LRP1B: variants seen among roughly 807,000 people sequenced by gnomAD.
The protein encoded by LRP1B is LDL receptor related protein 1B.
A neutral mutation model predicts 556.6 loss-of-function variants in LRP1B; 217 were observed. The observed-to-expected ratio is 0.39, with a 90% CI of 0.35 to 0.44. The LOEUF (loss-of-function observed/expected upper bound fraction) is 0.44, where lower values mean the gene tolerates loss of function less well. Ranked by LOEUF, LRP1B falls within the 20% of genes least tolerant of loss-of-function variation. The probability of loss-of-function intolerance (pLI) is 1.00; values close to 1 mark genes in which losing one functional copy is unlikely to be tolerated. For synonymous variants in LRP1B, 2,047 were observed against 1,865.8 expected, an observed-to-expected ratio of 1.10 and a Z score of -2.50; for missense variants, 5,053 against 5,620.8, an observed-to-expected ratio of 0.90 and a Z score of 3.23.
chr2:141,886,434 C>T (rs367741879), intron 1 of LRP1B, among the ~76,000 whole-genome samples: 1 of 152,128 alleles, frequency 6.6e-6, no homozygotes, highest in Non-Finnish European at 1.5e-5. Flanking sequence ...AAATCCATCT[C>T]TTGTAGCCGT....
At chr2:142,091,911 A>T (rs963250687) in intron 1 of LRP1B, among the ~76,000 whole-genome samples, 4 of 152,176 alleles carry the variant, frequency 2.6e-5, no homozygotes, top group African/African-American at 9.6e-5. Flanking sequence ...AAAAGGAGAG[A>T]GCTACCCTAG....
At chr2:140,681,615 G>A (rs1248461994) in intron 41 of LRP1B, among the ~76,000 whole-genome samples, 1 of 151,812 alleles carries the variant, frequency 6.6e-6, no homozygotes, top group African/African-American at 2.4e-5. Flanking sequence ...AATTAAATAA[G>A]AATAAAAATG....
chr2:140,333,256 T>C (rs999254899), intron 79 of LRP1B, among the ~76,000 whole-genome samples: 3 of 152,110 alleles, frequency 2.0e-5, no homozygotes. Context: ...TCTCTGATCA[T>C]AACTAAAATA....
intron 7 of LRP1B, among the ~76,000 whole-genome samples, chr2:141,166,903 A>AT (rs1196197068): frequency 4.6e-5 from 7 of 151,888 alleles, no homozygotes; most frequent in Admixed American, 6.6e-5. Context: ...TCTGAAATAC[A>AT]TTTTTTCTAA....
intron 1 of LRP1B, among the ~76,000 whole-genome samples, chr2:142,001,397 A>C (rs148150009): frequency 6.6e-6 from 1 of 152,336 alleles, no homozygotes; most frequent in Non-Finnish European, 1.5e-5. Context: ...CTGAGCATTA[A>C]AGCATCCAAT....
chr2:140,828,347 C>T (rs570020632), intron 31 of LRP1B, among the ~76,000 whole-genome samples: 369 of 151,844 alleles, frequency 2.4e-3, no homozygotes, highest in African/African-American at 8.2e-3. Context: ...CGGTGGCTCA[C>T]GCCTGTAATC....
chr2:140,538,952 A>G (rs547754249), intron 45 of LRP1B, among the ~76,000 whole-genome samples: 12 of 152,276 alleles, frequency 7.9e-5, no homozygotes, highest in African/African-American at 1.7e-4. Context: ...TATGAATACA[A>G]TTCTTCCTCA....
At chr2:141,977,146 C>CT (rs1011526526) in intron 1 of LRP1B, among the ~76,000 whole-genome samples, 7 of 151,952 alleles carry the variant, frequency 4.6e-5, no homozygotes, top group African/African-American at 1.2e-4. Context: ...CAACTTTAAA[C>CT]TTTTTTTTGA....
chr2:142,036,342 G>A (rs913130352), intron 1 of LRP1B, among the ~76,000 whole-genome samples: 5 of 151,604 alleles, frequency 3.3e-5, no homozygotes, highest in Non-Finnish European at 7.4e-5. Context: ...ATAAGAAGAG[G>A]TCTGGTTCAG....
At chr2:141,445,777 G>T (rs967840735) in intron 3 of LRP1B, among the ~76,000 whole-genome samples, 1 of 152,158 alleles carries the variant, frequency 6.6e-6, no homozygotes, top group African/African-American at 2.4e-5. Flanking sequence ...TTGCACTGTG[G>T]TCTGAGAGAC....
intron 20 of LRP1B, among the ~76,000 whole-genome samples, chr2:140,945,996 T>G (rs1695535658): frequency 6.6e-6 from 1 of 151,940 alleles, no homozygotes; most frequent in African/African-American, 2.4e-5. Context: ...TATAAAGAAC[T>G]GAAAGAAATC....
intron 7 of LRP1B, among the ~76,000 whole-genome samples, chr2:141,177,113 T>G (rs1385026851): frequency 6.6e-6 from 1 of 152,042 alleles, no homozygotes; most frequent in East Asian, 1.9e-4. Flanking sequence ...TGAATTATTA[T>G]TATTTGTTTT....
intron 1 of LRP1B, among the ~76,000 whole-genome samples, chr2:142,017,886 A>T (rs1559024919): frequency 6.6e-6 from 1 of 151,780 alleles, no homozygotes; most frequent in Non-Finnish European, 1.5e-5. Flanking sequence ...GTCTCAAAAA[A>T]GTTTTTGTAA....
intron 1 of LRP1B, among the ~76,000 whole-genome samples, chr2:141,860,842 G>A (rs932489580): frequency 6.6e-6 from 1 of 152,124 alleles, no homozygotes; most frequent in African/African-American, 2.4e-5. Flanking sequence ...ACAGCAACCT[G>A]AGATAAAAAA....
chr2:141,031,341 T>C (rs562377900), intron 11 of LRP1B, among the ~76,000 whole-genome samples: 2 of 151,314 alleles, frequency 1.3e-5, no homozygotes, highest in African/African-American at 4.8e-5. Context: ...AAAACTTATA[T>C]CAGAATTGAA....
intron 77 of LRP1B, among the ~76,000 whole-genome samples, chr2:140,341,601 T>C (rs1309774664): frequency 6.6e-6 from 1 of 151,510 alleles, no homozygotes; most frequent in Non-Finnish European, 1.5e-5. Context: ...CAGAAAAAAA[T>C]AGCATGTAAA....
intron 4 of LRP1B, among the ~76,000 whole-genome samples, chr2:141,250,746 C>T (rs1253110956): frequency 6.6e-6 from 1 of 152,068 alleles, no homozygotes; most frequent in East Asian, 1.9e-4. Flanking sequence ...GCAGTCTACG[C>T]TACCTCTGGA....
At chr2:140,364,809 AAG>A (rs1258586511) in intron 71 of LRP1B, 26 bp from the exon 72 acceptor site, 1 of 1,594,770 alleles carries the variant, frequency 6.3e-7, no homozygotes, top group African/African-American at 1.5e-5. Context: ...AAAAGAAACA[AAG>A]AGATTCAGAG....
Position 142,130,650 on chromosome 2 carries a change from C to A in LRP1B, c.80G>T (p.Arg27Leu), listed in dbSNP as rs1422339823. The change falls in exon 1 of 91, where the codon CGA becomes CTA. Residue 27 changes from arginine (R) to leucine (L), a missense_variant and splice_region_variant. Arg to Leu is a moderately radical substitution (Grantham distance 102). This residue lies in a region of LRP1B where 3,619 missense variants were observed against 3,931.9 expected (regional missense o/e 0.92). Coordinates refer to ENST00000389484, the MANE Select transcript of LRP1B (RefSeq NM_018557.3). ...IARVLTVGAD[R>L]DQQLCDPGEF... ...GAGCGGGGAGGTGTTCTCCTTACCTCGGTCGGCTCCCACGGTCAGCACCCT... is the reference window on the plus strand; with the variant it reads ...GAGCGGGGAGGTGTTCTCCTTACCTAGGTCGGCTCCCACGGTCAGCACCCT... 6.2e-7 allele frequency: 1 copy of A among 1,610,666 alleles called. No individual in the cohort carries two copies. The highest frequency in any genetic ancestry group is 8.5e-7 in the Non-Finnish European group (1 of 1,177,998).
Sources: gnomAD v4.1 joint callset for allele counts (sites outside exome capture counted in the v4.1 genomes callset) on GRCh38, gnomAD v4.1.1 for gene constraint, gnomAD v4.1.1 regional missense constraint, MANE v1.5 for transcripts, NCBI Gene and HGNC (gene_info 2026-07-23, HGNC 2026-07-21) for gene names.